Variants in MYZAP observed in about 807,000 individuals in gnomAD.
MYZAP encodes myocardial zonula adherens protein, also known as GRINL1A complex locus upstream.
Under a neutral mutation model 69.4 loss-of-function variants are expected in MYZAP, and 66 were observed. The observed-to-expected ratio is 0.95, with a 90% CI of 0.78 to 1.17. The LOEUF (loss-of-function observed/expected upper bound fraction) is 1.17. Among genes scored for constraint, MYZAP ranks in the 50% most tolerant of loss-of-function variants. The probability of loss-of-function intolerance (pLI) is 0.00; values close to 1 mark genes in which losing one functional copy is unlikely to be tolerated. For missense variants in MYZAP, 611 were observed against 556.2 expected (o/e 1.10, Z -0.99); for synonymous variants, 256 against 205.9 (o/e 1.24, Z -2.09).
chr15:57,677,108 T>C (rs1215947686), intron 12 of MYZAP, among the ~76,000 whole-genome samples: 11 of 152,306 alleles, frequency 7.2e-5, no homozygotes, highest in East Asian at 5.8e-4. Flanking sequence ...TTTCGGTAAC[T>C]CAGGGCAGTG....
chr15:57,637,553 T>C, intron 8 of MYZAP, 142 bp from the exon 9 acceptor site: 2 of 756,944 alleles, frequency 2.6e-6, no homozygotes, highest in South Asian at 3.8e-5. Flanking sequence ...TTTTGAGCCT[T>C]GTTTGGGCTT....
At position 57,592,083 on chromosome 15, in the gene MYZAP, A is replaced by G. The variant is rs1159960771; in HGVS notation, c.49A>G (p.Arg17Gly). 1.5e-6 allele frequency: 2 copies of G among 1,379,258 alleles called. No individual in the cohort carries two copies. Among genetic ancestry groups the G allele is most frequent in the Middle Eastern group, 2.6e-4 (1 of 3,818 alleles). 85.4% of individuals were successfully genotyped at this position (1,379,258 alleles called of 1,614,324 possible). Residue 17 changes from arginine to glycine, a missense_variant, in exon 1 of 13, where the codon AGG (arginine) becomes GGG (glycine). Arg to Gly is a moderately radical substitution (Grantham distance 125). Transcript: ENST00000267853. ...TVTLLSGGAARTPGAPSRRAN... is the reference protein window; with the variant it reads ...TVTLLSGGAAGTPGAPSRRAN... ...CACCCTGCTCTCGGGCGGCGCCGCC[A>G]GGACGCCCGGGGCGCCCAGCAGGAG... is the stretch of plus-strand genomic sequence containing the variant.
intron 11 of MYZAP, among the ~76,000 whole-genome samples, chr15:57,664,036 G>A (rs982243828): frequency 6.6e-6 from 1 of 150,792 alleles, no homozygotes; most frequent in Non-Finnish European, 1.5e-5. Context: ...AAATATCATG[G>A]GTTTTAATTT....
intron 11 of MYZAP, among the ~76,000 whole-genome samples, chr15:57,670,181 C>T (rs1354995839): frequency 2.0e-5 from 3 of 151,926 alleles, no homozygotes; most frequent in African/African-American, 7.2e-5. Flanking sequence ...TGTAATTGTC[C>T]TATCAATTGC....
At chr15:57,678,617 A>C (rs775464219) in intron 12 of MYZAP, among the ~76,000 whole-genome samples, 26 of 152,142 alleles carry the variant, frequency 1.7e-4, no homozygotes, top group South Asian at 6.2e-4. Flanking sequence ...TTCAGTATGC[A>C]TTGGGCTCTT....
chr15:57,632,341 C>G, intron 6 of MYZAP, 93 bp from the exon 7 acceptor site: 1 of 1,575,178 alleles, frequency 6.3e-7, no homozygotes, highest in Admixed American at 1.7e-5. Context: ...GGGCTCACTA[C>G]CTCTGTGAGT....
chr15:57,636,309 CCAGT>C (rs1368232349), intron 8 of MYZAP, among the ~76,000 whole-genome samples: 1 of 152,038 alleles, frequency 6.6e-6, no homozygotes, highest in African/African-American at 2.4e-5. Flanking sequence ...TAACAAAACC[CCAGT>C]CAAAGTTGAT....
chr15:57,676,970 A>G (rs1253734704), intron 12 of MYZAP, among the ~76,000 whole-genome samples: 2 of 152,214 alleles, frequency 1.3e-5, no homozygotes, highest in African/African-American at 4.8e-5. Flanking sequence ...AGCAGAGGAA[A>G]TGAAAACTAC....
intron 1 of MYZAP, among the ~76,000 whole-genome samples, chr15:57,594,260 C>T (rs1339753458): frequency 2.6e-5 from 4 of 152,246 alleles, no homozygotes; most frequent in Admixed American, 1.3e-4. Flanking sequence ...GGACTACAGG[C>T]GCACACCACC....
At chr15:57,592,728 C>G (rs1313936045) in intron 1 of MYZAP, among the ~76,000 whole-genome samples, 1 of 152,184 alleles carries the variant, frequency 6.6e-6, no homozygotes, top group Non-Finnish European at 1.5e-5. Context: ...GGGAAGGTTT[C>G]CCTTTGGAAG....
intron 3 of MYZAP, among the ~76,000 whole-genome samples, chr15:57,619,538 C>T (rs920459211): frequency 3.7e-4 from 56 of 152,084 alleles, no homozygotes; most frequent in Admixed American, 1.0e-3. Flanking sequence ...CCGCTACACC[C>T]AGATAATTTT....
chr15:57,600,502 A>G (rs1291552368), intron 1 of MYZAP, among the ~76,000 whole-genome samples: 4 of 152,234 alleles, frequency 2.6e-5, no homozygotes, highest in Admixed American at 2.6e-4. Flanking sequence ...AGCTCATCAT[A>G]GGAAGTGTGT....
chr15:57,647,117 A>G, intron 10 of MYZAP: 1 of 985,420 alleles, frequency 1.0e-6, no homozygotes, highest in Non-Finnish European at 1.2e-6. Flanking sequence ...TCACTCCTTC[A>G]TGGCAAAGCA....
At chr15:57,641,854 A>G (rs2037180391) in intron 10 of MYZAP, among the ~76,000 whole-genome samples, 1 of 152,224 alleles carries the variant, frequency 6.6e-6, no homozygotes. Flanking sequence ...ACAGGTGAGC[A>G]CCTTCAGAAG....
At chr15:57,682,102 A>G (rs1340190662) in intron 12 of MYZAP, among the ~76,000 whole-genome samples, 1 of 152,156 alleles carries the variant, frequency 6.6e-6, no homozygotes, top group Non-Finnish European at 1.5e-5. Flanking sequence ...TTCCCATGTC[A>G]GTTTAAGGCC....
chr15:57,637,550 C>T, intron 8 of MYZAP, 145 bp from the exon 9 acceptor site: 1 of 734,918 alleles, frequency 1.4e-6, no homozygotes, highest in Admixed American at 2.9e-5. Context: ...CAGTTTTGAG[C>T]CTTGTTTGGG....
intron 5 of MYZAP, among the ~76,000 whole-genome samples, 191 bp from the exon 6 acceptor site, chr15:57,629,511 A>G (rs2036368188): frequency 6.6e-6 from 1 of 152,146 alleles, no homozygotes; most frequent in Admixed American, 6.5e-5. Context: ...CCTCCAAGCT[A>G]CAGGGGCAGA....
At chr15:57,633,798 A>C in intron 8 of MYZAP, 57 bp downstream of exon 8, 1 of 1,419,684 alleles carries the variant, frequency 7.0e-7, no homozygotes, top group Non-Finnish European at 9.3e-7. Context: ...CTGTAGGTCC[A>C]TCTGAGATAC....
At chr15:57,602,139 G>C (rs116096473) in intron 1 of MYZAP, among the ~76,000 whole-genome samples, 31 of 152,258 alleles carry the variant, frequency 2.0e-4, no homozygotes, top group African/African-American at 7.5e-4. Context: ...TTTGCTAAGA[G>C]GCCACCCTGT....
Sources: allele counts gnomAD v4.1 joint callset (sites outside exome capture counted in the v4.1 genomes callset), GRCh38; gene constraint gnomAD v4.1.1; transcripts MANE v1.5; gene names NCBI Gene and HGNC (gene_info 2026-07-23, HGNC 2026-07-21).